The following RRAS2 variants were observed in gnomAD, a reference collection of about 807,000 sequenced individuals.
RRAS2 encodes ras-related protein R-Ras2.
Under a neutral mutation model 27.6 loss-of-function variants are expected in RRAS2, and 7 were observed. The observed-to-expected ratio is 0.25, with a 90% CI of 0.14 to 0.48. The LOEUF (loss-of-function observed/expected upper bound fraction) is 0.48. RRAS2 is among the 20% of genes least tolerant of loss of function. RRAS2 has a pLI of 0.99. For missense variants in RRAS2, 178 were observed against 256.2 expected, an observed-to-expected ratio of 0.69 and a Z score of 2.08; for synonymous variants, 86 against 90.9, an observed-to-expected ratio of 0.95 and a Z score of 0.31.
At chr11:14,337,866 A>G (rs1043499305) in intron 1 of RRAS2, among the ~76,000 whole-genome samples, 1 of 152,194 alleles carries the variant, frequency 6.6e-6, no homozygotes, top group Non-Finnish European at 1.5e-5. Context: ...AAAACCAAAG[A>G]GAATGTATTG....
At chr11:14,331,466 A>G (rs1396462402) in intron 1 of RRAS2, among the ~76,000 whole-genome samples, 1 of 152,080 alleles carries the variant, frequency 6.6e-6, no homozygotes, top group African/African-American at 2.4e-5. Flanking sequence ...AAATTTTAAA[A>G]CCATTGTACA....
intron 1 of RRAS2, among the ~76,000 whole-genome samples, chr11:14,313,304 T>C (rs781980732): frequency 6.6e-6 from 1 of 152,186 alleles, no homozygotes; most frequent in Non-Finnish European, 1.5e-5. Context: ...GCCACATCAA[T>C]TGTAAACCAC....
At chr11:14,339,655 A>AAAAG (rs1187484976) in intron 1 of RRAS2, among the ~76,000 whole-genome samples, 2 of 152,234 alleles carry the variant, frequency 1.3e-5, no homozygotes, top group East Asian at 3.8e-4. Context: ...ACTAAAGTTA[A>AAAAG]AAAGAAAGAA....
chr11:14,287,449 C>T (rs1035739157), intron 4 of RRAS2, among the ~76,000 whole-genome samples: 1 of 152,084 alleles, frequency 6.6e-6, no homozygotes, highest in East Asian at 1.9e-4. Context: ...AGGAAATACA[C>T]GTACTTATTA....
chr11:14,360,196 A>T (rs1176394456), upstream of RRAS2, among the ~76,000 whole-genome samples: 2 of 62,534 alleles, frequency 3.2e-5, no homozygotes, highest in South Asian at 7.1e-4. Context: ...CATGCCATTT[A>T]AAAAAAAAAA....
At chr11:14,311,609 C>T (rs187676033) in intron 1 of RRAS2, among the ~76,000 whole-genome samples, 9 of 152,002 alleles carry the variant, frequency 5.9e-5, no homozygotes, top group South Asian at 4.2e-4. Context: ...TCGGGTGATC[C>T]GCCCACCTCA....
At chr11:14,336,152 A>T (rs963532868) in intron 1 of RRAS2, among the ~76,000 whole-genome samples, 1 of 152,228 alleles carries the variant, frequency 6.6e-6, no homozygotes, top group Non-Finnish European at 1.5e-5. Context: ...CCCACCAGGC[A>T]GTAATAAAGA....
intron 1 of RRAS2, among the ~76,000 whole-genome samples, chr11:14,306,891 T>TAA (rs11287532): frequency 1.5e-5 from 2 of 133,182 alleles, no homozygotes; most frequent in African/African-American, 5.7e-5. Context: ...TGTGCCAAGA[T>TAA]AAAAAAAAAA....
chr11:14,353,436 T>TA (rs782063550), intron 1 of RRAS2, among the ~76,000 whole-genome samples: 1 of 151,948 alleles, frequency 6.6e-6, no homozygotes, highest in Non-Finnish European at 1.5e-5. Context: ...AAATACAAAA[T>TA]TAGCTGAGTG....
At chr11:14,330,663 T>A (rs903663088) in intron 1 of RRAS2, among the ~76,000 whole-genome samples, 5 of 149,954 alleles carry the variant, frequency 3.3e-5, no homozygotes, top group East Asian at 1.9e-4. Flanking sequence ...TAAAAAAAAT[T>A]TTTTTTTCAG....
At chr11:14,319,436 G>A (rs1848180483) in intron 1 of RRAS2, among the ~76,000 whole-genome samples, 1 of 144,218 alleles carries the variant, frequency 6.9e-6, no homozygotes, top group East Asian at 2.1e-4. Flanking sequence ...TCGGCTCAGT[G>A]CAAGCTCCAC....
intron 1 of RRAS2, among the ~76,000 whole-genome samples, chr11:14,334,531 TACACACAC>T (rs145228825): frequency 2.8e-5 from 4 of 143,780 alleles, no homozygotes; most frequent in East Asian, 2.0e-4. Context: ...CATCCATACA[TACACACAC>T]ACACACACAC....
upstream of RRAS2, among the ~76,000 whole-genome samples, chr11:14,360,547 C>A (rs1439844861): frequency 6.6e-6 from 1 of 151,396 alleles, no homozygotes; most frequent in Non-Finnish European, 1.5e-5. Context: ...ACTACAGGCA[C>A]ATGCCATCAA....
chr11:14,358,694 C>T lies in RRAS2; in HGVS notation c.108+69G>A. The T allele has an allele frequency of 3.7e-6, 4 of 1,079,830 alleles. No individual in the cohort carries two copies. In the South Asian group the frequency reaches 1.7e-4, roughly 46 times the overall value. 66.9% of individuals were successfully genotyped at this position (1,079,830 alleles called of 1,614,324 possible). ...TCTGGGGCGAGGTCGCGGCGGCCGC[C>T]CCGCCACAGGTAGCGCCAGCCCCCG... is the stretch of plus-strand genomic sequence containing the variant. On this transcript the variant is annotated intron_variant, in intron 1 of 5. Transcript: ENST00000256196. This position sits in a 1 kb window ranked among gnomAD's most constrained non-coding sequence, Gnocchi z 5.1.
chr11:14,281,812 C>T (rs1849544745), intron 4 of RRAS2, 92 bp from the exon 5 acceptor site: 7 of 1,077,376 alleles, frequency 6.5e-6, no homozygotes, highest in African/African-American at 1.6e-5. Flanking sequence ...ATAATTCAGC[C>T]AAGAGGCCAA....
At chr11:14,318,279 A>C (rs1482597403) in intron 1 of RRAS2, among the ~76,000 whole-genome samples, 1 of 152,140 alleles carries the variant, frequency 6.6e-6, no homozygotes, top group Non-Finnish European at 1.5e-5. Context: ...CGGGTGGATC[A>C]CCTGAAGTCA....
At chr11:14,316,042 G>A (rs942082644) in intron 1 of RRAS2, among the ~76,000 whole-genome samples, 5 of 151,998 alleles carry the variant, frequency 3.3e-5, no homozygotes, top group African/African-American at 7.2e-5. Flanking sequence ...AAAAAACGTA[G>A]TTCAGAAGAG....
At chr11:14,309,010 A>C (rs554710236) in intron 1 of RRAS2, among the ~76,000 whole-genome samples, 1 of 152,352 alleles carries the variant, frequency 6.6e-6, no homozygotes, top group African/African-American at 2.4e-5. Flanking sequence ...TACACTGCTT[A>C]ACTAAAACTG....
At position 14,329,011 on chromosome 11, in the gene RRAS2, G is replaced by GTGTA. The variant is rs1210749974; in HGVS notation, c.108+29751_108+29752insTACA. 4.7e-3 allele frequency among the ~76,000 whole-genome samples: 641 copies of GTGTA among 137,774 alleles called. 4 individuals are homozygous for GTGTA. Among genetic ancestry groups the GTGTA allele is most frequent in the East Asian group, 0.033 (149 of 4,584 alleles). The allele number at this position is 137,774 out of a possible 152,430, so 90.4% of individuals were successfully genotyped here. A position where few individuals can be genotyped will look rare whatever the true frequency, so the allele number is the denominator to read the frequency against. ...TGTGTGTGTGTGTGTGTGTGTGTGT[G>GTGTA]TATATATATATATATATACACACAC... On this transcript the variant is annotated intron_variant, in intron 1 of 5. Coordinates refer to ENST00000256196, the MANE Select transcript of RRAS2 (RefSeq NM_012250.6).
Sources: gnomAD v4.1 joint callset for allele counts (sites outside exome capture counted in the v4.1 genomes callset) on GRCh38, gnomAD v4.1.1 for gene constraint, Gnocchi (gnomAD v3.1) non-coding constraint, MANE v1.5 for transcripts, NCBI Gene and HGNC (gene_info 2026-07-23, HGNC 2026-07-21) for gene names.